Variants in KCTD10 observed in about 807,000 individuals in gnomAD.
KCTD10 encodes the protein potassium channel tetramerization domain containing 10.
A neutral mutation model predicts 34.6 loss-of-function variants in KCTD10; 13 were observed. That is an observed-to-expected ratio of 0.38 (90% CI 0.24 to 0.60). The LOEUF is 0.60. Among genes scored for constraint, KCTD10 ranks in the 20% least tolerant of loss-of-function variants. KCTD10 has a pLI of 0.66. For synonymous variants in KCTD10, 156 were observed against 168.8 expected (o/e 0.92, Z 0.59); for missense variants, 256 against 420.3 (o/e 0.61, Z 3.42).
chr12:109,456,484 G>T, intron 5 of KCTD10, 171 bp from the exon 6 acceptor site: 2 of 648,520 alleles, frequency 3.1e-6, no homozygotes, highest in South Asian at 3.6e-5. Flanking sequence ...AAGAAGGAAA[G>T]TGAGGATCAG....
At chr12:109,474,438 G>A (rs1420599025) in intron 1 of KCTD10, among the ~76,000 whole-genome samples, 1 of 152,046 alleles carries the variant, frequency 6.6e-6, no homozygotes, top group African/African-American at 2.4e-5. Context: ...CTAAACAGTG[G>A]CTCTCCAGTT....
At chr12:109,452,346 A>G (rs1872815276) in intron 6 of KCTD10, among the ~76,000 whole-genome samples, 1 of 152,226 alleles carries the variant, frequency 6.6e-6, no homozygotes, top group South Asian at 2.1e-4. Context: ...AGCAGTCTCT[A>G]AAGCAGTTTT....
chr12:109,456,920 G>C (rs1188216604), intron 5 of KCTD10: 1 of 157,616 alleles, frequency 6.3e-6, no homozygotes, highest in Non-Finnish European at 1.4e-5. Context: ...TGTTCCCAGA[G>C]AAATGAAAAC....
intron 1 of KCTD10, chr12:109,471,102 A>G (rs1182861810): frequency 1.0e-6 from 1 of 985,322 alleles, no homozygotes; most frequent in African/African-American, 1.7e-5. Flanking sequence ...CACTGACAGC[A>G]CATAACTTGT....
At position 109,450,156 on chromosome 12, in the gene KCTD10, C is replaced by T. The variant is rs920146609; in HGVS notation, c.*1439G>A. 5 of 397,990 alleles carry T rather than the reference C, an allele frequency of 1.3e-5. No individual in the cohort carries two copies. The highest frequency in any genetic ancestry group is 1.3e-4 in the South Asian group (1 of 7,560). 24.7% of individuals were successfully genotyped at this position (397,990 alleles called of 1,614,324 possible). A position where few individuals can be genotyped will look rare whatever the true frequency, so the allele number is the denominator to read the frequency against. On this transcript the variant is annotated 3_prime_UTR_variant, in exon 7 of 7. Coordinates refer to ENST00000228495, the MANE Select transcript of KCTD10 (RefSeq NM_031954.5). ...TAATACCTTTGGTATAAAACGGTAA[C>T]GATTCCCTTGACAAACCCATCCATC...
Position 109,451,498 on chromosome 12 carries a change from G to T in KCTD10, c.*97C>A. 1 of 1,163,246 alleles carries T rather than the reference G, an allele frequency of 8.6e-7. No individual in the cohort carries two copies. Among genetic ancestry groups the T allele is most frequent in the Non-Finnish European group, 1.2e-6 (1 of 826,660 alleles). 72.1% of individuals were successfully genotyped at this position (1,163,246 alleles called of 1,614,324 possible). On this transcript the variant is annotated 3_prime_UTR_variant, in exon 7 of 7. Transcript: ENST00000228495. The surrounding 1 kb of genome is among the most constrained non-coding windows in gnomAD (Gnocchi z 5.0). ...TTACAAAAGTATCTCCAGGCTCCAAGGGAAGCAGAAGGGGCCCGGCAGCCT... is the reference window on the plus strand; with the variant it reads ...TTACAAAAGTATCTCCAGGCTCCAATGGAAGCAGAAGGGGCCCGGCAGCCT...
intron 2 of KCTD10, among the ~76,000 whole-genome samples, chr12:109,465,196 C>T (rs1023919682): frequency 2.0e-5 from 3 of 152,128 alleles, no homozygotes; most frequent in Non-Finnish European, 2.9e-5. Flanking sequence ...AATATGGCTC[C>T]GGCAGCGGCT....
Position 109,450,353 on chromosome 12 carries a change from GGCC to G in KCTD10, c.*1239_*1241del, listed in dbSNP as rs3217162. ...CTGCGCCCAGCCGGGCTCCAGCAGG[GGCC>G]GCCACCTGTGCCCCACAAGCACACG... is the stretch of plus-strand genomic sequence containing the variant. On this transcript the variant is annotated 3_prime_UTR_variant, in exon 7 of 7. Transcript: ENST00000228495. 0.52 allele frequency: 207,229 copies of G among 398,236 alleles called. 55,098 individuals are homozygous for G. The highest frequency in any genetic ancestry group is 0.61 in the African/African-American group (29,308 of 48,438). The allele number at this position is 398,236 out of a possible 1,614,324, so 24.7% of individuals were successfully genotyped here.
intron 2 of KCTD10, among the ~76,000 whole-genome samples, chr12:109,463,925 G>T (rs1873473072): frequency 6.6e-6 from 1 of 152,216 alleles, no homozygotes; most frequent in African/African-American, 2.4e-5. Flanking sequence ...CAGAGCAGCA[G>T]CGTCCAGAGG....
Position 109,460,011 on chromosome 12 carries a change from A to G in KCTD10, c.387+625T>C, listed in dbSNP as rs947234495. 6.6e-6 allele frequency among the ~76,000 whole-genome samples: 1 copy of G among 152,250 alleles called. No homozygotes were observed. The highest frequency in any genetic ancestry group is 1.5e-5 in the Non-Finnish European group (1 of 68,036). The stretch of plus-strand genomic sequence containing the variant: ...TCTCAGAGTAGAGGTGGTGTGCAGC[A>G]TTATGGGTACTGGTCCGGTGCGGGG... On this transcript the variant is annotated intron_variant, in intron 3 of 6. Transcript: ENST00000228495. This position sits in a 1 kb window ranked among gnomAD's most constrained non-coding sequence, Gnocchi z 4.5.
Position 109,450,326 on chromosome 12 carries a change from C to A in KCTD10, c.*1269G>T. On this transcript the variant is annotated 3_prime_UTR_variant, in exon 7 of 7. Coordinates refer to ENST00000228495, the MANE Select transcript of KCTD10 (RefSeq NM_031954.5). Reference sequence around the variant, plus strand: ...ACTGAGAACACCCGTCCTACATAGGCGCTGCGCCCAGCCGGGCTCCAGCAG... The same window carrying A: ...ACTGAGAACACCCGTCCTACATAGGAGCTGCGCCCAGCCGGGCTCCAGCAG... The A allele has an allele frequency of 2.6e-6, 1 of 390,686 alleles. No homozygotes were observed. The allele number at this position is 390,686 out of a possible 1,614,324, so 24.2% of individuals were successfully genotyped here.
chr12:109,464,778 T>G (rs1424610671), intron 2 of KCTD10: 1 of 454,596 alleles, frequency 2.2e-6, no homozygotes, highest in Non-Finnish European at 4.4e-6. Context: ...CATATCATAC[T>G]CACCAGATTT....
chr12:109,457,419 T>A (rs1257023848), intron 5 of KCTD10: 1 of 518,562 alleles, frequency 1.9e-6, no homozygotes, highest in African/African-American at 1.9e-5. Flanking sequence ...AATATAATAA[T>A]AACTGTACAC....
chr12:109,451,547 G>A lies in KCTD10; in HGVS notation c.*48C>T. On this transcript the variant is annotated 3_prime_UTR_variant, in exon 7 of 7. Transcript: ENST00000228495. The surrounding 1 kb of genome is among the most constrained non-coding windows in gnomAD (Gnocchi z 5.0). ...CTGCACAGGATCTGGGTGTAGCACG[G>A]CAGGGAGTGGGGGCGGTGAGAGGAG... 1 of 1,541,608 alleles carries A rather than the reference G, an allele frequency of 6.5e-7. No individual in the cohort carries two copies. The highest frequency in any genetic ancestry group is 8.8e-7 in the Non-Finnish European group (1 of 1,133,960).
intron 1 of KCTD10, chr12:109,470,397 G>C (rs558357091): frequency 6.1e-6 from 6 of 985,364 alleles, no homozygotes; most frequent in African/African-American, 5.2e-5. Flanking sequence ...CTGCCCAAAA[G>C]AGCAAGATCC....
chr12:109,454,083 C>A (rs1029548566), intron 6 of KCTD10, among the ~76,000 whole-genome samples: 11 of 150,250 alleles, frequency 7.3e-5, no homozygotes, highest in Admixed American at 2.6e-4. Context: ...TTAAACAAGG[C>A]CTGGAGTCCT....
At chr12:109,470,139 AC>A in intron 1 of KCTD10, 1 of 1,011,256 alleles carries the variant, frequency 9.9e-7, no homozygotes, top group Non-Finnish European at 1.2e-6. Flanking sequence ...CCCTGGCTGC[AC>A]CCTAAAACAG....
intron 1 of KCTD10, chr12:109,470,691 C>T (rs1873842518): frequency 2.0e-5 from 14 of 690,984 alleles, no homozygotes; most frequent in Admixed American, 6.3e-5. Flanking sequence ...CCACTCTGTG[C>T]CCTTGCGACA....
Position 109,450,698 on chromosome 12 carries a change from C to A in KCTD10, c.*897G>T. On this transcript the variant is annotated 3_prime_UTR_variant, in exon 7 of 7. Transcript: ENST00000228495. ...AAGGAGGCTGAAGAGGAGCGGGATCCCAGGGAGGGGTAGTTTATGAGCTAT... is the reference window on the plus strand; with the variant it reads ...AAGGAGGCTGAAGAGGAGCGGGATCACAGGGAGGGGTAGTTTATGAGCTAT... 1 of 233,824 alleles carries A rather than the reference C, an allele frequency of 4.3e-6. No homozygotes were observed. The highest frequency in any genetic ancestry group is 8.2e-6 in the Non-Finnish European group (1 of 121,234). The allele number at this position is 233,824 out of a possible 1,614,324, so 14.5% of individuals were successfully genotyped here.
Sources: gnomAD v4.1 joint callset for allele counts (sites outside exome capture counted in the v4.1 genomes callset) on GRCh38, gnomAD v4.1.1 for gene constraint, Gnocchi (gnomAD v3.1) non-coding constraint, MANE v1.5 for transcripts, NCBI Gene and HGNC (gene_info 2026-07-23, HGNC 2026-07-21) for gene names.